Variants in SDK1 observed in about 807,000 individuals in gnomAD.
The protein encoded by SDK1 is protein sidekick-1.
In SDK1, 157 loss-of-function variants were observed where a neutral mutation model predicts 245.5. That is an observed-to-expected ratio of 0.64 (90% CI 0.56 to 0.73). SDK1 has a LOEUF of 0.73. Ranked by LOEUF, SDK1 falls within the 30% of genes least tolerant of loss-of-function variation. The probability of loss-of-function intolerance (pLI) is 0.00; values close to 1 mark genes in which losing one functional copy is unlikely to be tolerated. For missense variants in SDK1, 3,583 were observed against 3,002.3 expected, an observed-to-expected ratio of 1.19 and a Z score of -4.52; for synonymous variants, 1,647 against 1,278.5, an observed-to-expected ratio of 1.29 and a Z score of -6.15.
rs182375424 is a variant in SDK1, at chr7:4,093,698, A to G, written c.3324+14114A>G. Among the ~76,000 whole-genome samples, 25 of 152,254 alleles carry G rather than the reference A, an allele frequency of 1.6e-4. 1 individual carries two copies. In the East Asian group the frequency reaches 4.9e-3, roughly 30 times the overall value. ...CGGCGTCGACAGCGACAGCGTTTGG[A>G]ATGACGCATGCCTCGGTGAAGTCGG... On this transcript the variant is annotated intron_variant, in intron 22 of 44. Transcript: ENST00000404826.
In SDK1 at chr7:3,885,056, A is replaced by G. The variant is rs941817927; in HGVS notation, c.847+63473A>G. Among the ~76,000 whole-genome samples, 12 of 152,182 alleles carry G rather than the reference A, an allele frequency of 7.9e-5. No homozygotes were observed. The South Asian group carries it at 2.1e-3, about 26-fold the overall frequency. ...CCCCCACCCCGCCCCATCTCTGCCA[A>G]TAGCCCCTGGGGACTATGGCTAAGG... On this transcript the variant is annotated intron_variant, in intron 5 of 44. Transcript: ENST00000404826.
chr7:3,545,019 A>G (rs902028353), intron 1 of SDK1, among the ~76,000 whole-genome samples: 12 of 152,138 alleles, frequency 7.9e-5, no homozygotes, highest in Non-Finnish European at 1.6e-4. Flanking sequence ...GCAGGTGACC[A>G]TCACTGATGG....
At chr7:3,918,396 T>C (rs1402885556) in intron 5 of SDK1, among the ~76,000 whole-genome samples, 2 of 152,154 alleles carry the variant, frequency 1.3e-5, no homozygotes, top group Non-Finnish European at 2.9e-5. Context: ...ATTCTCGTAA[T>C]AGCACGAACC....
chr7:4,057,840 T>G (rs1435612732), intron 19 of SDK1, among the ~76,000 whole-genome samples: 1 of 152,200 alleles, frequency 6.6e-6, no homozygotes, highest in African/African-American at 2.4e-5. Context: ...ACACTACTGC[T>G]TCATCCAGAA....
At chr7:3,554,870 A>G (rs1273516055) in intron 1 of SDK1, among the ~76,000 whole-genome samples, 1 of 152,212 alleles carries the variant, frequency 6.6e-6, no homozygotes, top group Non-Finnish European at 1.5e-5. Context: ...GAATTAAGTT[A>G]ACCAGAGAAG....
chr7:3,592,910 C>A (rs984623834), intron 1 of SDK1, among the ~76,000 whole-genome samples: 7 of 152,214 alleles, frequency 4.6e-5, no homozygotes, highest in African/African-American at 1.2e-4. Context: ...AGTGAATAAC[C>A]TGGAGTCCTT....
At position 4,103,047 on chromosome 7, in the gene SDK1, C is replaced by CTGGAA. The variant is rs1782668389; in HGVS notation, c.3325-7612_3325-7611insATGGA. Among the ~76,000 whole-genome samples, 3 of 146,166 alleles carry CTGGAA rather than the reference C, an allele frequency of 2.1e-5. No homozygotes were observed. The South Asian group carries it at 6.7e-4, about 33-fold the overall frequency. On this transcript the variant is annotated intron_variant, in intron 22 of 44. Coordinates refer to ENST00000404826, the MANE Select transcript of SDK1 (RefSeq NM_152744.4). ...ACAGAGTCTCACTCTGTCACCCAGG[C>CTGGAA]TGGAGTGTAGTGGTGCGATCTCGGC...
intron 1 of SDK1, among the ~76,000 whole-genome samples, chr7:3,603,520 G>A (rs1781316007): frequency 6.6e-6 from 1 of 151,780 alleles, no homozygotes; most frequent in East Asian, 1.9e-4. Flanking sequence ...TGTGATTTTT[G>A]TACATTGATT....
At chr7:3,376,082 A>G (rs2128565174) in intron 1 of SDK1, among the ~76,000 whole-genome samples, 1 of 152,240 alleles carries the variant, frequency 6.6e-6, no homozygotes. Context: ...CTGCAATCCT[A>G]GTGCTTTGGG....
At chr7:4,196,472 G>A (rs76690325) in intron 35 of SDK1, among the ~76,000 whole-genome samples, 2,132 of 152,264 alleles carry the variant, frequency 0.014, 50 homozygotes, top group African/African-American at 0.049. Flanking sequence ...GTGCGGTGCC[G>A]TCTCTCCCGG....
At position 4,267,624 on chromosome 7, in the gene SDK1, CAT is replaced by C; in HGVS notation, c.*2241_*2242del. The C allele has an allele frequency of 1.0e-6, 1 of 985,446 alleles. No homozygotes were observed. The highest frequency in any genetic ancestry group is 1.1e-4 in the East Asian group (1 of 8,810). The allele number at this position is 985,446 out of a possible 1,614,324, so 61.0% of individuals were successfully genotyped here. ...CACTCTGATGACTGCTCTCTGCAGC[CAT>C]GAGGATGTGGCTTTACATGCCAGGG... On this transcript the variant is annotated 3_prime_UTR_variant, in exon 45 of 45. Transcript: ENST00000404826.
At chr7:3,517,096 T>G (rs1191927912) in intron 1 of SDK1, among the ~76,000 whole-genome samples, 2 of 152,172 alleles carry the variant, frequency 1.3e-5, no homozygotes, top group African/African-American at 2.4e-5. Flanking sequence ...TGTATGAAAA[T>G]CATTACTGAA....
rs937745649 is a variant in SDK1 at position 3,684,195 on chromosome 7, C to G, written c.713+42090C>G. ...TCTAGCGTGGAGCTAAGCCTCTACC[C>G]CAACTCAGCATCAGGTACTTAAGGA... On this transcript the variant is annotated intron_variant, in intron 4 of 44. Coordinates refer to ENST00000404826, the MANE Select transcript of SDK1 (RefSeq NM_152744.4). 4.6e-5 allele frequency among the ~76,000 whole-genome samples: 7 copies of G among 152,196 alleles called. 1 individual carries two copies. The highest frequency in any genetic ancestry group is 1.7e-4 in the African/African-American group (7 of 41,446).
At position 3,878,187 on chromosome 7, in the gene SDK1, T is replaced by C. The variant is rs1486419595; in HGVS notation, c.847+56604T>C. On this transcript the variant is annotated intron_variant, in intron 5 of 44. Coordinates refer to ENST00000404826, the MANE Select transcript of SDK1 (RefSeq NM_152744.4). The stretch of plus-strand genomic sequence containing the variant: ...CAAACAGTATCTTTTCAATTTTTTT[T>C]TCATATTAAAAGAGAAAAACTCAGT... Among the ~76,000 whole-genome samples the C allele has an allele frequency of 3.3e-5, 5 of 152,222 alleles. No homozygotes were observed. In the East Asian group the frequency reaches 9.6e-4, roughly 29 times the overall value.
In SDK1 at chr7:4,267,366, A is replaced by C; in HGVS notation, c.*1982A>C. On this transcript the variant is annotated 3_prime_UTR_variant, in exon 45 of 45. Coordinates refer to ENST00000404826, the MANE Select transcript of SDK1 (RefSeq NM_152744.4). The stretch of plus-strand genomic sequence containing the variant: ...TCTTCCTTTTCTCCTCCTTTTTCTG[A>C]GTGGAGGGGGAAATATTCTAAACCA... The C allele has an allele frequency of 3.1e-6, 3 of 970,492 alleles. No individual in the cohort carries two copies. The highest frequency in any genetic ancestry group is 3.6e-6 in the Non-Finnish European group (3 of 827,126). The allele number at this position is 970,492 out of a possible 1,614,324, so 60.1% of individuals were successfully genotyped here. A position where few individuals can be genotyped will look rare whatever the true frequency, so the allele number is the denominator to read the frequency against.
chr7:3,984,007 T>C (rs906137714), intron 13 of SDK1, among the ~76,000 whole-genome samples: 1 of 152,146 alleles, frequency 6.6e-6, no homozygotes, highest in Admixed American at 6.5e-5. Context: ...GCTTTCTAAG[T>C]TTTTAAGTAT....
intron 40 of SDK1, among the ~76,000 whole-genome samples, chr7:4,230,285 G>A (rs1174714931): frequency 1.3e-5 from 2 of 151,798 alleles, no homozygotes; most frequent in Non-Finnish European, 2.9e-5. Context: ...ATGAATGGAT[G>A]GGTGGATGGA....
At chr7:3,553,803 C>T (rs991517703) in intron 1 of SDK1, among the ~76,000 whole-genome samples, 1 of 152,110 alleles carries the variant, frequency 6.6e-6, no homozygotes, top group Admixed American at 6.5e-5. Context: ...TTAGGAAAGC[C>T]TAATCCATTC....
chr7:3,569,610 A>G (rs532034343), intron 1 of SDK1, among the ~76,000 whole-genome samples: 10 of 152,210 alleles, frequency 6.6e-5, no homozygotes, highest in Non-Finnish European at 1.2e-4. Flanking sequence ...TCTTCAAGGC[A>G]ATTTTCACTT....
Sources: allele counts gnomAD v4.1 joint callset (sites outside exome capture counted in the v4.1 genomes callset), GRCh38; gene constraint gnomAD v4.1.1; transcripts MANE v1.5; gene names NCBI Gene and HGNC (gene_info 2026-07-23, HGNC 2026-07-21).